MAMDC4: variants seen among roughly 807,000 people sequenced by gnomAD.
MAMDC4 encodes the protein apical endosomal glycoprotein.
A neutral mutation model predicts 153.3 loss-of-function variants in MAMDC4; 168 were observed. The observed-to-expected ratio is 1.10, with a 90% CI of 0.97 to 1.25. MAMDC4 has a LOEUF of 1.25. MAMDC4 is among the 50% of genes most tolerant of loss of function. The probability of loss-of-function intolerance (pLI) is 0.00; values close to 1 mark genes in which losing one functional copy is unlikely to be tolerated. For synonymous variants in MAMDC4, 744 were observed against 651.5 expected, an observed-to-expected ratio of 1.14 and a Z score of -2.16; for missense variants, 1,701 against 1,542.8, an observed-to-expected ratio of 1.10 and a Z score of -1.72.
rs756022045 is a variant in MAMDC4, at chr9:136,853,386, C to G, written c.256C>G (p.Leu86Val). 5 of 1,605,984 alleles carry G rather than the reference C, an allele frequency of 3.1e-6. No homozygotes were observed. Among genetic ancestry groups the G allele is most frequent in the Non-Finnish European group, 4.3e-6 (5 of 1,174,750 alleles). ...RDISTSGYSW[L>V]RDRAGAALEG... ...CATTAGTACCTCAGGCTACAGCTGG[C>G]TCCGAGACAGGGCAGGGGCCGCACT... The change falls in exon 3 of 27, where the codon CTC (leucine) becomes GTC (valine). Residue 86 changes from leucine to valine, a missense_variant. Coordinates refer to ENST00000317446, the MANE Select transcript of MAMDC4 (RefSeq NM_206920.3).
Position 136,854,289 on chromosome 9 carries a change from G to C in MAMDC4, c.749G>C (p.Gly250Ala), listed in dbSNP as rs746607301. Residue 250 changes from glycine (G) to alanine (A), a missense_variant, in exon 7 of 27, where the codon GGG (glycine) becomes GCG (alanine). Coordinates refer to ENST00000317446, the MANE Select transcript of MAMDC4 (RefSeq NM_206920.3). ...VCVEPQQLCD[G>A]EDNCGDLSDE... ...GTGGAGCCCCAGCAGCTGTGCGACG[G>C]GGAAGACAACTGCGGGGACCTGTCT... The C allele has an allele frequency of 1.2e-6, 2 of 1,605,374 alleles. No homozygotes were observed. Among genetic ancestry groups the C allele is most frequent in the Admixed American group, 3.4e-5 (2 of 58,922 alleles).
Position 136,853,975 on chromosome 9 carries a change from G to A in MAMDC4, c.586-17G>A. On this transcript the variant is annotated splice_polypyrimidine_tract_variant and intron_variant, in intron 5 of 26. Transcript: ENST00000317446. The stretch of plus-strand genomic sequence containing the variant: ...GTCTGGGCCCTGACTTAGGTCCTAA[G>A]AGCCTGTTCTCTTCAGGTGACCTTC... The A allele has an allele frequency of 5.0e-6, 8 of 1,612,986 alleles. No homozygotes were observed. The highest frequency in any genetic ancestry group is 6.8e-6 in the Non-Finnish European group (8 of 1,179,944).
In MAMDC4 at chr9:136,853,655, C is replaced by T. The variant is rs1246733639; in HGVS notation, c.439C>T (p.His147Tyr). ...ASSCKLRLWY[H>Y]AASGDVAELR... ...CTCTTGCAAGCTGAGGCTCTGGTAC[C>T]ACGCGGCCTCTGGAGGTGCACCCTG... The change falls in exon 4 of 27, where the codon CAC becomes TAC. Residue 147 changes from histidine (H) to tyrosine (Y), a missense_variant. Transcript: ENST00000317446. The T allele has an allele frequency of 6.2e-7, 1 of 1,611,778 alleles. No homozygotes were observed. Among genetic ancestry groups the T allele is most frequent in the Non-Finnish European group, 8.5e-7 (1 of 1,179,612 alleles).
intron 1 of MAMDC4, 54 bp from the exon 2 acceptor site, chr9:136,853,048 T>C (rs1259359032): frequency 6.1e-6 from 9 of 1,481,728 alleles, no homozygotes; most frequent in African/African-American, 2.8e-5. Flanking sequence ...CTAGGCAGGC[T>C]GGGATGGCTG....
At position 136,857,214 on chromosome 9, in the gene MAMDC4, G is replaced by C; in HGVS notation, c.2022G>C (p.Trp674Cys). The part of the protein sequence containing the change: ...MRREGEETHL[W>C]SRSGTQGNRW... ...GGGAAGGGGAGGAGACACACCTGTG[G>C]TCGCGGTCAGGCACCCAGGGCAACC... Residue 674 changes from tryptophan (W) to cysteine (C), a missense_variant, in exon 17 of 27, where the codon TGG becomes TGC. By Grantham distance (215) the Trp-to-Cys change is radical (BLOSUM62 -2). Coordinates refer to ENST00000317446, the MANE Select transcript of MAMDC4 (RefSeq NM_206920.3). The C allele has an allele frequency of 1.2e-6, 2 of 1,611,636 alleles. No individual in the cohort carries two copies. The highest frequency in any genetic ancestry group is 2.2e-5 in the South Asian group (2 of 90,848).
At position 136,860,610 on chromosome 9, in the gene MAMDC4, C is replaced by T. The variant is rs1849077416; in HGVS notation, c.*7C>T. 1.2e-6 allele frequency: 2 copies of T among 1,613,332 alleles called. No individual in the cohort carries two copies. Among genetic ancestry groups the T allele is most frequent in the African/African-American group, 2.7e-5 (2 of 75,046 alleles). ...TGTCACCAGTGATCCGTAGACCACCCCAGACAAGGCCCCGCTTCCTCACGT... is the reference window on the plus strand; with the variant it reads ...TGTCACCAGTGATCCGTAGACCACCTCAGACAAGGCCCCGCTTCCTCACGT... On this transcript the variant is annotated 3_prime_UTR_variant, in exon 27 of 27. Coordinates refer to ENST00000317446, the MANE Select transcript of MAMDC4 (RefSeq NM_206920.3).
intron 25 of MAMDC4, chr9:136,859,563 C>A: frequency 1.7e-6 from 1 of 591,560 alleles, no homozygotes; most frequent in South Asian, 2.1e-5. Flanking sequence ...CTGGCTGTGG[C>A]CTCTGTGCTC....
intron 26 of MAMDC4, 135 bp downstream of exon 26, chr9:136,860,199 T>A (rs1849066945): frequency 1.9e-6 from 2 of 1,068,368 alleles, no homozygotes; most frequent in Non-Finnish European, 2.6e-6. Context: ...CTCCCTGCCC[T>A]GCCTCTCCCA....
Position 136,853,499 on chromosome 9 carries a change from C to T in MAMDC4, c.328+41C>T, listed in dbSNP as rs569918249. 6 of 1,611,874 alleles carry T rather than the reference C, an allele frequency of 3.7e-6. No homozygotes were observed. In the South Asian group the frequency reaches 4.4e-5, roughly 12 times the overall value. On this transcript the variant is annotated intron_variant, in intron 3 of 26. Coordinates refer to ENST00000317446, the MANE Select transcript of MAMDC4 (RefSeq NM_206920.3). ...GTCTCTGTGCGCCCCTGTCCCAATACCCTCCTTGCTCCCTGCCCCGTCTCC... is the reference window on the plus strand; with the variant it reads ...GTCTCTGTGCGCCCCTGTCCCAATATCCTCCTTGCTCCCTGCCCCGTCTCC...
chr9:136,858,906 A>G, intron 23 of MAMDC4, 53 bp downstream of exon 23: 1 of 1,569,216 alleles, frequency 6.4e-7, no homozygotes, highest in Non-Finnish European at 8.6e-7. Context: ...GCAGGGGTCC[A>G]GGAGCAGAGG....
In MAMDC4 at chr9:136,853,306, C is replaced by T. The variant is rs1225883535; in HGVS notation, c.176C>T (p.Thr59Ile). 1.9e-6 allele frequency: 3 copies of T among 1,602,318 alleles called. No homozygotes were observed. Among genetic ancestry groups the T allele is most frequent in the East Asian group, 2.2e-5 (1 of 44,640 alleles). Residue 59 changes from threonine to isoleucine, a missense_variant, in exon 3 of 27, where the codon ACC becomes ATC. Physicochemically the swap from Thr to Ile is moderately conservative, Grantham distance 89 (BLOSUM62 -1). Transcript: ENST00000317446. ...CCAGGTTACCACGGGGCCTCGCCCACCCTGGGCGCCCCCTTCGCCTGTGAC... is the reference window on the plus strand; with the variant it reads ...CCAGGTTACCACGGGGCCTCGCCCATCCTGGGCGCCCCCTTCGCCTGTGAC... Reference protein sequence around the residue: ...AQCGYHGASPTLGAPFACDFE... With the variant: ...AQCGYHGASPILGAPFACDFE...
rs1304002939 is a variant in MAMDC4 at position 136,856,226 on chromosome 9, G to A, written c.1720+77G>A. The stretch of plus-strand genomic sequence containing the variant: ...CAGTGGGAGGGGTCTGGGGCCGGGT[G>A]ACCCACAGTGCCCCCCGCCCCGCTG... On this transcript the variant is annotated intron_variant, in intron 14 of 26. Coordinates refer to ENST00000317446, the MANE Select transcript of MAMDC4 (RefSeq NM_206920.3). 3 of 1,605,934 alleles carry A rather than the reference G, an allele frequency of 1.9e-6. No homozygotes were observed. In the Admixed American group the frequency reaches 5.0e-5, roughly 27 times the overall value.
In MAMDC4 at chr9:136,856,658, C is replaced by T. The variant is rs562042489; in HGVS notation, c.1721-52C>T. On this transcript the variant is annotated intron_variant, in intron 14 of 26. Transcript: ENST00000317446. ...CCCCGGAGCTTCCACCTTCTCAGGGCTCTGGAGGGGGAGGGGAGAAGGTGT... is the reference window on the plus strand; with the variant it reads ...CCCCGGAGCTTCCACCTTCTCAGGGTTCTGGAGGGGGAGGGGAGAAGGTGT... The T allele has an allele frequency of 2.5e-6, 4 of 1,570,216 alleles. No individual in the cohort carries two copies. The African/African-American group carries it at 5.4e-5, about 21-fold the overall frequency.
chr9:136,856,666 G>T, intron 14 of MAMDC4, 44 bp from the exon 15 acceptor site: 1 of 1,581,724 alleles, frequency 6.3e-7, no homozygotes, highest in Non-Finnish European at 8.7e-7. Context: ...GGCTCTGGAG[G>T]GGGAGGGGAG....
chr9:136,858,553 G>T lies in MAMDC4; in HGVS notation c.2821+7G>T. ...ACCCTGGGCACAGAGGCAGGTACGT[G>T]CCCACTGGAGCCAGGTGGGGAGGCA... On this transcript the variant is annotated splice_region_variant and intron_variant, in intron 22 of 26. Transcript: ENST00000317446. 4 of 1,564,278 alleles carry T rather than the reference G, an allele frequency of 2.6e-6. No homozygotes were observed. The highest frequency in any genetic ancestry group is 3.5e-6 in the Non-Finnish European group (4 of 1,155,812).
chr9:136,858,265 G>A lies in MAMDC4; in HGVS notation c.2663G>A (p.Cys888Tyr), dbSNP rs1849036624. Reference sequence around the variant, plus strand: ...GATCTGCTCCTCCAGGACGGGCCCTGCCCTCAGCCAGGTGGGAGCCCTGCC... The same window carrying A: ...GATCTGCTCCTCCAGGACGGGCCCTACCCTCAGCCAGGTGGGAGCCCTGCC... ...LDDLLLQDGP[C>Y]PQPGSCDFES... The change falls in exon 21 of 27, where the codon TGC becomes TAC. Residue 888 changes from cysteine (C) to tyrosine (Y), a missense_variant. By Grantham distance (194) the Cys-to-Tyr change is radical. Coordinates refer to ENST00000317446, the MANE Select transcript of MAMDC4 (RefSeq NM_206920.3). 3 of 1,601,814 alleles carry A rather than the reference G, an allele frequency of 1.9e-6. No individual in the cohort carries two copies. The highest frequency in any genetic ancestry group is 1.7e-4 in the Middle Eastern group (1 of 6,056).
In MAMDC4 at chr9:136,853,459, G is replaced by T. The variant is rs767065703; in HGVS notation, c.328+1G>T. ...GACCACACACTGGGCACCGACTTGG[G>T]TGAGGCCAGGGCAAGTCTCTGTGCG... On this transcript the variant is annotated splice_donor_variant, in intron 3 of 26. Transcript: ENST00000317446. LOFTEE classifies it high-confidence loss of function. The T allele has an allele frequency of 1.4e-4, 231 of 1,604,260 alleles. No individual in the cohort carries two copies. The highest frequency in any genetic ancestry group is 8.3e-4 in the Middle Eastern group (5 of 6,024).
chr9:136,856,931 C>G lies in MAMDC4; in HGVS notation c.1862C>G (p.Thr621Arg). ...GGCCACTTTGTGCTCCTGGACCCCA[C>G]AGACCCCCTGGCCTGGGGCCACAGT... is the stretch of plus-strand genomic sequence containing the variant. ...GQGHFVLLDP[T>R]DPLAWGHSAH... The change falls in exon 16 of 27, where the codon ACA becomes AGA. Residue 621 changes from threonine (T) to arginine (R), a missense_variant. Physicochemically the swap from Thr to Arg is moderately conservative, Grantham distance 71. Coordinates refer to ENST00000317446, the MANE Select transcript of MAMDC4 (RefSeq NM_206920.3). 1.2e-6 allele frequency: 2 copies of G among 1,610,318 alleles called. No individual in the cohort carries two copies. The highest frequency in any genetic ancestry group is 1.7e-6 in the Non-Finnish European group (2 of 1,178,174).
In MAMDC4 at chr9:136,856,793, C is replaced by T. The variant is rs1180364314; in HGVS notation, c.1804C>T (p.Arg602Cys). 1.2e-5 allele frequency: 19 copies of T among 1,611,428 alleles called. No homozygotes were observed. Among genetic ancestry groups the T allele is most frequent in the Non-Finnish European group, 1.4e-5 (17 of 1,179,400 alleles). Residue 602 changes from arginine to cysteine, a missense_variant, in exon 15 of 27, where the codon CGC becomes TGC. Physicochemically the swap from Arg to Cys is radical, Grantham distance 180 (BLOSUM62 -3). Coordinates refer to ENST00000317446, the MANE Select transcript of MAMDC4 (RefSeq NM_206920.3). ...CACACACTGGCGCTGGGTGGAGAGC[C>T]GCGGCCCTGACCACGACCACACCAC... Reference protein sequence around the residue: ...SDTHWRWVESRGPDHDHTTGQ... With the variant: ...SDTHWRWVESCGPDHDHTTGQ...
Sources: allele counts gnomAD v4.1 joint callset, GRCh38; gene constraint gnomAD v4.1.1; transcripts MANE v1.5; gene names NCBI Gene and HGNC (gene_info 2026-07-23, HGNC 2026-07-21).